The following NAIP variants were observed in gnomAD, a reference collection of about 807,000 sequenced individuals.
The protein encoded by NAIP is NLR family apoptosis inhibitory protein, also known as baculoviral IAP repeat-containing protein 1.
Under a neutral mutation model 23.0 loss-of-function variants are expected in NAIP, and 15 were observed. That is an observed-to-expected ratio of 0.65 (90% confidence interval 0.44 to 1.00). The LOEUF (loss-of-function observed/expected upper bound fraction) is 1.00, where lower values mean the gene tolerates loss of function less well. Ranked by LOEUF, NAIP falls within the 50% of genes least tolerant of loss-of-function variation. NAIP has a pLI of 0.00. For missense variants in NAIP, 265 were observed against 278.8 expected, an observed-to-expected ratio of 0.95 and a Z score of 0.35; for synonymous variants, 100 against 100.2, an observed-to-expected ratio of 1.00 and a Z score of 0.01.
intron 16 of NAIP, among the ~76,000 whole-genome samples, chr5:70,973,058 G>A (rs1261845586): frequency 6.6e-6 from 1 of 151,196 alleles, no homozygotes; most frequent in African/African-American, 2.4e-5. Context: ...CCGCCATCAC[G>A]CCTGGCTAAT....
In NAIP at chr5:71,014,394, C is replaced by T. The variant is rs777797081; in HGVS notation, c.-3-1476G>A. Among the ~76,000 whole-genome samples, 13 of 151,596 alleles carry T rather than the reference C, an allele frequency of 8.6e-5. 1 individual carries two copies. Among genetic ancestry groups the T allele is most frequent in the East Asian group, 3.9e-4 (2 of 5,150 alleles). Reference sequence around the variant, plus strand: ...TGTCGCCCAGGCTGAAGTGCAGTGGCGCAATCTCAGCTCCCACACCGGGAT... The same window carrying T: ...TGTCGCCCAGGCTGAAGTGCAGTGGTGCAATCTCAGCTCCCACACCGGGAT... On this transcript the variant is annotated intron_variant, in intron 3 of 16. Coordinates refer to ENST00000517649, the MANE Select transcript of NAIP (RefSeq NM_004536.3).
chr5:71,009,001 CAAGAAAA>C (rs1751017551), intron 5 of NAIP, among the ~76,000 whole-genome samples: 1 of 133,728 alleles, frequency 7.5e-6, no homozygotes, highest in South Asian at 2.4e-4. Flanking sequence ...AAATAAGTGA[CAAGAAAA>C]AAGAGATGGA....
chr5:71,011,648 A>C, intron 4 of NAIP: 1 of 506,406 alleles, frequency 2.0e-6, no homozygotes, highest in Non-Finnish European at 3.6e-6. Context: ...TCTCAGGGTC[A>C]AAGTGATAGG....
rs866714377 is a variant in NAIP at position 71,012,390 on chromosome 5, T to C, written c.526A>G (p.Ile176Val). The change falls in exon 4 of 17, where the codon ATA becomes GTA. Residue 176 changes from isoleucine (I) to valine (V), a missense_variant. Ile to Val is a conservative substitution (Grantham distance 29). Transcript: ENST00000517649. ...FRNWPFYVQGISPCVLSEAGF... is the reference protein window; with the variant it reads ...FRNWPFYVQGVSPCVLSEAGF... Reference sequence around the variant, plus strand: ...GCCTCTGAGAGCACACAAGGGGATATCCCTTGGACATAAAATGGCCAGTTC... The same window carrying C: ...GCCTCTGAGAGCACACAAGGGGATACCCCTTGGACATAAAATGGCCAGTTC... The C allele has an allele frequency of 5.6e-6, 9 of 1,611,484 alleles. No individual in the cohort carries two copies. The highest frequency in any genetic ancestry group is 2.2e-5 in the South Asian group (2 of 90,942).
intron 5 of NAIP, among the ~76,000 whole-genome samples, chr5:71,008,735 C>T (rs1396876091): frequency 2.9e-5 from 2 of 69,052 alleles, no homozygotes; most frequent in Non-Finnish European, 4.8e-5. Context: ...ACCCAGGAGG[C>T]AGAGGTTGCA....
chr5:71,014,745 T>TA (rs1190887526), intron 3 of NAIP, among the ~76,000 whole-genome samples: 2 of 150,132 alleles, frequency 1.3e-5, no homozygotes, highest in African/African-American at 2.4e-5. Flanking sequence ...TCTACAAAAA[T>TA]AAAAAAAATT....
intron 5 of NAIP, among the ~76,000 whole-genome samples, chr5:71,009,033 A>C (rs1561515369): frequency 6.9e-6 from 1 of 144,148 alleles, no homozygotes. Context: ...GAGGAAATCT[A>C]CGAATTAAAA....
chr5:70,972,924 G>A (rs1298306093), intron 16 of NAIP, among the ~76,000 whole-genome samples: 2 of 50,496 alleles, frequency 4.0e-5, no homozygotes, highest in South Asian at 6.2e-4. Context: ...TTTTTGAGAC[G>A]GAGTCTCGTT....
intron 3 of NAIP, among the ~76,000 whole-genome samples, chr5:71,013,332 T>C (rs1751257921): frequency 6.6e-6 from 1 of 151,416 alleles, no homozygotes; most frequent in African/African-American, 2.4e-5. Context: ...TTATTTTGTG[T>C]TCATGTTTTA....
chr5:71,000,545 AATT>A lies in NAIP; in HGVS notation c.922+1150_922+1152del, dbSNP rs71204434. 6.6e-3 allele frequency among the ~76,000 whole-genome samples: 746 copies of A among 112,556 alleles called. 8 individuals carry two copies. Among genetic ancestry groups the A allele is most frequent in the African/African-American group, 0.012 (273 of 23,190 alleles). The allele number at this position is 112,556 out of a possible 152,430, so 73.8% of individuals were successfully genotyped here. ...TAATAATAATAATAATAATAATAATAATTATTATTATTATTATTATTTTTGAGA... is the reference window on the plus strand; with the variant it reads ...TAATAATAATAATAATAATAATAATAATTATTATTATTATTATTTTTGAGA... On this transcript the variant is annotated intron_variant, in intron 8 of 16. Transcript: ENST00000517649.
chr5:71,013,900 T>C (rs1751301292), intron 3 of NAIP, among the ~76,000 whole-genome samples: 1 of 151,432 alleles, frequency 6.6e-6, no homozygotes, highest in Non-Finnish European at 1.5e-5. Context: ...TGTTCATTTT[T>C]CAAAGCCCCA....
chr5:71,000,561 A>T (rs1286709068), intron 8 of NAIP, among the ~76,000 whole-genome samples: 1 of 128,320 alleles, frequency 7.8e-6, no homozygotes, highest in Non-Finnish European at 1.6e-5. Context: ...TATTATTATT[A>T]TTATTTTTGA....
intron 3 of NAIP, among the ~76,000 whole-genome samples, chr5:71,014,718 C>A (rs949961059): frequency 6.6e-6 from 1 of 151,208 alleles, no homozygotes; most frequent in African/African-American, 2.4e-5. Flanking sequence ...GCCTGGCCCA[C>A]ATGGTGAAAC....
rs774247250 is a variant in NAIP, at chr5:71,012,413, T to C, written c.503A>G (p.Asn168Ser). ...EEEARLASFR[N>S]WPFYVQGISP... Reference sequence around the variant, plus strand: ...TATCCCTTGGACATAAAATGGCCAGTTCCTGAAGGACGCAAGTCTAGCCTC... The same window carrying C: ...TATCCCTTGGACATAAAATGGCCAGCTCCTGAAGGACGCAAGTCTAGCCTC... The change falls in exon 4 of 17, where the codon AAC becomes AGC. Residue 168 changes from asparagine to serine, a missense_variant. Around this residue, in one of 2 missense-constraint regions of NAIP, gnomAD observed 261 missense variants for 259.2 expected, o/e 1.01. Transcript: ENST00000517649. 3 of 1,611,780 alleles carry C rather than the reference T, an allele frequency of 1.9e-6. No individual in the cohort carries two copies. The highest frequency in any genetic ancestry group is 2.5e-6 in the Non-Finnish European group (3 of 1,178,418).
chr5:71,012,651 T>C lies in NAIP; in HGVS notation c.265A>G (p.Thr89Ala), dbSNP rs1489659969. The C allele has an allele frequency of 1.9e-6, 3 of 1,611,832 alleles. No homozygotes were observed. The highest frequency in any genetic ancestry group is 2.5e-6 in the Non-Finnish European group (3 of 1,178,486). ...CACTGAATCCCAGATTTTACCCCAG[T>C]GAAGTAAAACCCAGCGGCCGCCATC... ...QEMAAAGFYF[T>A]GVKSGIQCFC... Residue 89 changes from threonine (T) to alanine (A), a missense_variant, in exon 4 of 17, where the codon ACT becomes GCT. Thr to Ala is a moderately conservative substitution (Grantham distance 58). Coordinates refer to ENST00000517649, the MANE Select transcript of NAIP (RefSeq NM_004536.3).
At position 71,013,010 on chromosome 5, in the gene NAIP, A is replaced by C. The variant is rs1328787097; in HGVS notation, c.-3-92T>G. On this transcript the variant is annotated intron_variant, in intron 3 of 16. Coordinates refer to ENST00000517649, the MANE Select transcript of NAIP (RefSeq NM_004536.3). ...TGTTTCCGAAGAAACCAGGAATTAA[A>C]GGAATGCCTGGAATTTCAACACAAA... is the stretch of plus-strand genomic sequence containing the variant. 2.6e-6 allele frequency: 3 copies of C among 1,133,208 alleles called. No homozygotes were observed. The African/African-American group carries it at 4.7e-5, about 18-fold the overall frequency. The allele number at this position is 1,133,208 out of a possible 1,614,324, so 70.2% of individuals were successfully genotyped here.
At chr5:71,014,372 C>T (rs1466117552) in intron 3 of NAIP, among the ~76,000 whole-genome samples, 5 of 151,474 alleles carry the variant, frequency 3.3e-5, no homozygotes, top group Non-Finnish European at 5.9e-5. Flanking sequence ...TTGTCCTTGT[C>T]GCCCAGGCTG....
chr5:71,009,443 C>A (rs1264688743), intron 5 of NAIP, among the ~76,000 whole-genome samples: 4 of 150,558 alleles, frequency 2.7e-5, no homozygotes, highest in African/African-American at 4.9e-5. Context: ...GTAATCCTAG[C>A]ACTTTGGGAA....
At chr5:71,008,847 G>A (rs1336733113) in intron 5 of NAIP, among the ~76,000 whole-genome samples, 1 of 133,524 alleles carries the variant, frequency 7.5e-6, no homozygotes, top group Non-Finnish European at 1.5e-5. Flanking sequence ...TAGAATCTGA[G>A]CCTGACCAAA....
Sources: gnomAD v4.1 joint callset for allele counts (sites outside exome capture counted in the v4.1 genomes callset) on GRCh38, gnomAD v4.1.1 for gene constraint, gnomAD v4.1.1 regional missense constraint, MANE v1.5 for transcripts, NCBI Gene and HGNC (gene_info 2026-07-23, HGNC 2026-07-21) for gene names.